Variants in GTF2IRD2 observed in about 807,000 individuals in gnomAD.
GTF2IRD2 encodes general transcription factor II-I repeat domain-containing protein 2A.
Under a neutral mutation model 49.2 loss-of-function variants are expected in GTF2IRD2, and 8 were observed. The ratio of observed to expected loss-of-function variants is 0.16; its 90% CI spans 0.10 to 0.29. The LOEUF (loss-of-function observed/expected upper bound fraction) is 0.29. Among genes scored for constraint, GTF2IRD2 ranks in the 10% least tolerant of loss-of-function variants. GTF2IRD2 has a pLI of 1.00. For synonymous variants in GTF2IRD2, 47 were observed against 289.7 expected, an observed-to-expected ratio of 0.16 and a Z score of 8.51; for missense variants, 130 against 725.7, an observed-to-expected ratio of 0.18 and a Z score of 9.43.
intron 8 of GTF2IRD2, among the ~76,000 whole-genome samples, chr7:74,818,646 C>T (rs1278851015): frequency 3.0e-5 from 4 of 133,246 alleles, no homozygotes; most frequent in Non-Finnish European, 4.5e-5. Flanking sequence ...GATGAAGTCT[C>T]GCCATGTTGC....
intron 2 of GTF2IRD2, among the ~76,000 whole-genome samples, chr7:74,835,971 C>G (rs1336880308): frequency 1.6e-5 from 2 of 122,526 alleles, no homozygotes; most frequent in East Asian, 4.2e-4. Context: ...GGCAGCAGAG[C>G]AAGACTCTGT....
chr7:74,826,992 T>C (rs1799460843), intron 3 of GTF2IRD2, among the ~76,000 whole-genome samples: 1 of 152,066 alleles, frequency 6.6e-6, no homozygotes. Flanking sequence ...ATTATAGGCA[T>C]GCACTACCAT....
At chr7:74,842,075 G>C (rs1167611564) in intron 1 of GTF2IRD2, among the ~76,000 whole-genome samples, 1 of 95,314 alleles carries the variant, frequency 1.0e-5, no homozygotes, top group Non-Finnish European at 2.0e-5. Flanking sequence ...AGTGAGCCGA[G>C]ATCCCACCAC....
intron 1 of GTF2IRD2, among the ~76,000 whole-genome samples, chr7:74,844,917 T>A (rs1395624726): frequency 1.0e-5 from 1 of 99,346 alleles, no homozygotes; most frequent in Non-Finnish European, 2.3e-5. Flanking sequence ...GGTCTCAAAC[T>A]CCTGACCTCA....
Position 74,797,122 on chromosome 7 carries a change from T to A in GTF2IRD2, c.2390A>T (p.His797Leu). 2.0e-6 allele frequency: 3 copies of A among 1,523,542 alleles called. No individual in the cohort carries two copies. The highest frequency in any genetic ancestry group is 2.7e-6 in the Non-Finnish European group (3 of 1,113,504). The allele number at this position is 1,523,542 out of a possible 1,614,324, so 94.4% of individuals were successfully genotyped here. A position where few individuals can be genotyped will look rare whatever the true frequency, so the allele number is the denominator to read the frequency against. Reference protein sequence around the residue: ...FLAKLCLWETHLTRNNLAHFP... With the variant: ...FLAKLCLWETLLTRNNLAHFP... ...GTGGGCCAGATTATTCCTCGTCAAA[T>A]GAGTCTCCCAGAGGCACAGTTTTGC... Residue 797 changes from histidine (H) to leucine (L), a missense_variant, in exon 16 of 16, where the codon CAT becomes CTT. Transcript: ENST00000451013.
In GTF2IRD2 at chr7:74,824,930, T is replaced by TA. The variant is rs1799243454; in HGVS notation, c.358+2dup. 2 of 863,778 alleles carry TA rather than the reference T, an allele frequency of 2.3e-6. 1 individual carries two copies. Among genetic ancestry groups the TA allele is most frequent in the Non-Finnish European group, 3.0e-6 (2 of 669,378 alleles). 53.5% of individuals were successfully genotyped at this position (863,778 alleles called of 1,614,324 possible). A position where few individuals can be genotyped will look rare whatever the true frequency, so the allele number is the denominator to read the frequency against. On this transcript the variant is annotated splice_region_variant and intron_variant, in intron 4 of 15. Transcript: ENST00000451013. The stretch of plus-strand genomic sequence containing the variant: ...TAGAATTAATGCTTAAAGTGAACGT[T>TA]ACCATAACAAAAGCAGAAATAGTCC...
chr7:74,806,398 C>T (rs1192257532), intron 12 of GTF2IRD2, among the ~76,000 whole-genome samples: 1 of 137,480 alleles, frequency 7.3e-6, no homozygotes, highest in Non-Finnish European at 1.6e-5. Flanking sequence ...CAAGCTCCAC[C>T]TCCCAGGTTC....
At chr7:74,826,261 TTTTG>T (rs1295583158) in intron 3 of GTF2IRD2, among the ~76,000 whole-genome samples, 9 of 151,138 alleles carry the variant, frequency 6.0e-5, no homozygotes, top group South Asian at 2.1e-4. Flanking sequence ...ATGACCATGT[TTTTG>T]TTTGTTTGTT....
At chr7:74,818,459 T>TCTCTC (rs1387996685) in intron 8 of GTF2IRD2, among the ~76,000 whole-genome samples, 1 of 89,276 alleles carries the variant, frequency 1.1e-5, no homozygotes, top group Non-Finnish European at 2.2e-5. Context: ...TCTCTCTCTC[T>TCTCTC]TTTTTTTTTT....
intron 8 of GTF2IRD2, among the ~76,000 whole-genome samples, chr7:74,815,354 A>G (rs1798409966): frequency 1.3e-5 from 1 of 79,880 alleles, no homozygotes; most frequent in Non-Finnish European, 3.2e-5. Flanking sequence ...GGAAGGCTGA[A>G]GCAGGAGAAT....
intron 1 of GTF2IRD2, among the ~76,000 whole-genome samples, chr7:74,841,255 C>A (rs1311779910): frequency 9.8e-6 from 1 of 101,796 alleles, no homozygotes; most frequent in Non-Finnish European, 1.8e-5. Flanking sequence ...GCAATCCCTG[C>A]CTCTGGGGTT....
intron 15 of GTF2IRD2, chr7:74,798,901 T>C (rs1797251788): frequency 6.3e-6 from 1 of 157,966 alleles, no homozygotes; most frequent in Admixed American, 6.0e-5. Context: ...AGCCTGGAAC[T>C]CCCTGGGCTC....
At chr7:74,821,903 T>C (rs1177122235) in intron 6 of GTF2IRD2, 1 of 46,428 alleles carries the variant, frequency 2.2e-5, no homozygotes, top group Non-Finnish European at 3.6e-5. Flanking sequence ...TTTTAAAAAA[T>C]ATTCTTTATT....
intron 1 of GTF2IRD2, among the ~76,000 whole-genome samples, chr7:74,836,643 G>A (rs1211955398): frequency 2.0e-5 from 3 of 152,212 alleles, no homozygotes; most frequent in Non-Finnish European, 2.9e-5. Flanking sequence ...ACAGCTTACT[G>A]TAACCTCTGC....
chr7:74,825,944 C>G (rs2906245), intron 3 of GTF2IRD2, among the ~76,000 whole-genome samples: 24 of 151,682 alleles, frequency 1.6e-4, no homozygotes, highest in Non-Finnish European at 2.4e-4. Flanking sequence ...GGGACTACAG[C>G]TGCCTGCCAC....
intron 1 of GTF2IRD2, among the ~76,000 whole-genome samples, chr7:74,838,314 A>T (rs1200523180): frequency 1.5e-5 from 2 of 132,738 alleles, no homozygotes; most frequent in Non-Finnish European, 3.0e-5. Flanking sequence ...GGAAGAGAAA[A>T]TTCCTTCTTT....
At chr7:74,818,464 T>C (rs1798631285) in intron 8 of GTF2IRD2, among the ~76,000 whole-genome samples, 2 of 141,674 alleles carry the variant, frequency 1.4e-5, no homozygotes, top group Admixed American at 7.0e-5. Flanking sequence ...CTCTCTTTTT[T>C]TTTTTTTTTT....
Position 74,822,262 on chromosome 7 carries a change from G to T in GTF2IRD2, c.571+165C>A. ...GACTGGGCTTCACCGTGTTAGCCAGGATGGTCGCGATCTCCTGACCTTTGT... is the reference window on the plus strand; with the variant it reads ...GACTGGGCTTCACCGTGTTAGCCAGTATGGTCGCGATCTCCTGACCTTTGT... On this transcript the variant is annotated intron_variant, in intron 6 of 15. Coordinates refer to ENST00000451013, the MANE Select transcript of GTF2IRD2 (RefSeq NM_173537.5). 4.1e-6 allele frequency: 4 copies of T among 965,448 alleles called. No individual in the cohort carries two copies. In the South Asian group the frequency reaches 5.3e-5, roughly 13 times the overall value. The allele number at this position is 965,448 out of a possible 1,614,324, so 59.8% of individuals were successfully genotyped here. A position where few individuals can be genotyped will look rare whatever the true frequency, so the allele number is the denominator to read the frequency against.
At chr7:74,834,600 T>C (rs1554420827) in intron 2 of GTF2IRD2, among the ~76,000 whole-genome samples, 1 of 85,090 alleles carries the variant, frequency 1.2e-5, no homozygotes. Context: ...TCAAAACTCC[T>C]GAGCTCAAGT....
Sources: gnomAD v4.1 joint callset for allele counts (sites outside exome capture counted in the v4.1 genomes callset) on GRCh38, gnomAD v4.1.1 for gene constraint, MANE v1.5 for transcripts, NCBI Gene and HGNC (gene_info 2026-07-23, HGNC 2026-07-21) for gene names.